Variants in LFNG observed in about 807,000 individuals in gnomAD.
LFNG encodes beta-1,3-N-acetylglucosaminyltransferase lunatic fringe.
LFNG carries 15 observed loss-of-function variants against 32.7 expected under a neutral mutation model. The observed-to-expected ratio is 0.46, with a 90% CI of 0.31 to 0.71. The LOEUF is 0.71. LFNG is among the 30% of genes least tolerant of loss of function. The pLI is 0.06. For missense variants in LFNG, 520 were observed against 545.7 expected, an observed-to-expected ratio of 0.95 and a Z score of 0.47; for synonymous variants, 274 against 246.8, an observed-to-expected ratio of 1.11 and a Z score of -1.03.
upstream of LFNG, among the ~76,000 whole-genome samples, chr7:2,517,442 G>T (rs548237028): frequency 3.3e-5 from 5 of 152,286 alleles, no homozygotes; most frequent in East Asian, 9.6e-4. Context: ...GCCAGGCTGG[G>T]CCATCCACCT....
chr7:2,514,202 T>C (rs1779555263), upstream of LFNG, among the ~76,000 whole-genome samples: 1 of 152,218 alleles, frequency 6.6e-6, no homozygotes, highest in African/African-American at 2.4e-5. Flanking sequence ...TGCCAGGTCT[T>C]CTCACCCTGA....
At chr7:2,513,096 C>T (rs556114625), upstream of LFNG, 4 of 1,569,170 alleles carry the variant, frequency 2.5e-6, no homozygotes, top group East Asian at 6.7e-5. Flanking sequence ...GCCCTGGGCA[C>T]CTTTGGGCTG....
rs201654623 is a variant in LFNG, at chr7:2,527,571, G to T, written c.*359G>T. 2.2e-5 allele frequency: 27 copies of T among 1,226,020 alleles called. No homozygotes were observed. Among genetic ancestry groups the T allele is most frequent in the Non-Finnish European group, 2.8e-5 (27 of 967,434 alleles). 75.9% of individuals were successfully genotyped at this position (1,226,020 alleles called of 1,614,324 possible). ...GCTCCGGGCTACTTTGCAGGGATGCGATGCGTAGGTGCCTTTCTCTTCCTG... is the reference window on the plus strand; with the variant it reads ...GCTCCGGGCTACTTTGCAGGGATGCTATGCGTAGGTGCCTTTCTCTTCCTG... On this transcript the variant is annotated 3_prime_UTR_variant, in exon 8 of 8. Coordinates refer to ENST00000222725, the MANE Select transcript of LFNG (RefSeq NM_001040167.2). The surrounding 1 kb of genome is among the most constrained non-coding windows in gnomAD (Gnocchi z 4.4).
intron 1 of LFNG, among the ~76,000 whole-genome samples, chr7:2,523,110 C>A (rs970279764): frequency 6.6e-6 from 1 of 152,234 alleles, no homozygotes; most frequent in African/African-American, 2.4e-5. Context: ...CACCAAATCT[C>A]GGGAGAACAG....
intron 1 of LFNG, among the ~76,000 whole-genome samples, chr7:2,523,042 C>A (rs1779837982): frequency 6.6e-6 from 1 of 152,246 alleles, no homozygotes; most frequent in Non-Finnish European, 1.5e-5. Flanking sequence ...TCCCTGCTCC[C>A]TGAGCTGAAC....
chr7:2,528,970 G>T (rs1214205079), downstream of LFNG: 6 of 494,730 alleles, frequency 1.2e-5, no homozygotes, highest in African/African-American at 6.1e-5. Flanking sequence ...GGCAGGCCGT[G>T]GGTCCGGCCG....
At chr7:2,524,913 A>G (rs1207673130) in intron 2 of LFNG, among the ~76,000 whole-genome samples, 170 bp downstream of exon 2, 1 of 152,160 alleles carries the variant, frequency 6.6e-6, no homozygotes, top group Non-Finnish European at 1.5e-5. Context: ...CGGGCCCCCC[A>G]ATTCTCATGC....
chr7:2,517,807 A>T, upstream of LFNG: 1 of 1,151,270 alleles, frequency 8.7e-7, no homozygotes, highest in Non-Finnish European at 1.1e-6. Flanking sequence ...GCTGGGACTA[A>T]GTCACGAGGT....
Position 2,525,098 on chromosome 7 carries a change from G to T in LFNG, c.482-121G>T, listed in dbSNP as rs114362656. On this transcript the variant is annotated intron_variant, in intron 2 of 7. Coordinates refer to ENST00000222725, the MANE Select transcript of LFNG (RefSeq NM_001040167.2). ...AGCTAGGGTGGGGGAGGCTACGGCC[G>T]CCGGGCCCAGCTTGAACTAGGGGGC... The T allele has an allele frequency of 2.8e-5, 25 of 898,204 alleles. No homozygotes were observed. The African/African-American group carries it at 3.5e-4, about 12-fold the overall frequency. The allele number at this position is 898,204 out of a possible 1,614,324, so 55.6% of individuals were successfully genotyped here. A position where few individuals can be genotyped will look rare whatever the true frequency, so the allele number is the denominator to read the frequency against.
upstream of LFNG, among the ~76,000 whole-genome samples, chr7:2,517,089 C>T (rs1196706764): frequency 6.6e-6 from 1 of 152,188 alleles, no homozygotes; most frequent in Non-Finnish European, 1.5e-5. Flanking sequence ...ACTTCCCTAC[C>T]AGGGCTGTGT....
In LFNG at chr7:2,528,252, A is replaced by G; in HGVS notation, c.*1040A>G. ...CCTGCCCTCCTCCTGTGTAGCTGCC[A>G]CCTCCCCGCTGGGCCCAGCATGGCT... On this transcript the variant is annotated 3_prime_UTR_variant, in exon 8 of 8. Coordinates refer to ENST00000222725, the MANE Select transcript of LFNG (RefSeq NM_001040167.2). The G allele has an allele frequency of 3.0e-6, 3 of 984,818 alleles. No individual in the cohort carries two copies. The highest frequency in any genetic ancestry group is 3.6e-6 in the Non-Finnish European group (3 of 829,760). The allele number at this position is 984,818 out of a possible 1,614,324, so 61.0% of individuals were successfully genotyped here.
chr7:2,516,528 C>G (rs1042237547), upstream of LFNG, among the ~76,000 whole-genome samples: 1 of 152,226 alleles, frequency 6.6e-6, no homozygotes, highest in Non-Finnish European at 1.5e-5. Flanking sequence ...GGAGAACCCC[C>G]GGGCTGAGCC....
chr7:2,523,379 A>C (rs1322854272), intron 1 of LFNG, among the ~76,000 whole-genome samples: 1 of 152,160 alleles, frequency 6.6e-6, no homozygotes. Flanking sequence ...GCATGTGCCC[A>C]GGGCTGGGTC....
upstream of LFNG, chr7:2,513,190 A>C (rs1317113651): frequency 1.2e-6 from 2 of 1,613,888 alleles, no homozygotes; most frequent in South Asian, 2.2e-5. Flanking sequence ...GCAAATGCTC[A>C]GGAAGGCTGT....
intron 1 of LFNG, among the ~76,000 whole-genome samples, chr7:2,521,482 C>T (rs748245308): frequency 3.9e-5 from 6 of 152,250 alleles, no homozygotes; most frequent in African/African-American, 1.2e-4. Flanking sequence ...TGTGCAGCTA[C>T]GCGCTCCGTG....
At chr7:2,515,777 G>T (rs912417638), upstream of LFNG, among the ~76,000 whole-genome samples, 2 of 152,242 alleles carry the variant, frequency 1.3e-5, no homozygotes, top group African/African-American at 2.4e-5. Context: ...AGTGGGCGAG[G>T]GGTCTGGGCA....
intron 2 of LFNG, 142 bp from the exon 3 acceptor site, chr7:2,525,077 A>C: frequency 1.3e-6 from 1 of 762,468 alleles, no homozygotes; most frequent in Non-Finnish European, 2.2e-6. Flanking sequence ...GCCCCGAGCT[A>C]GGGTGGGGGA....
exon 1 of LFNG, chr7:2,512,598 C>T (rs1779521191): frequency 6.4e-7 from 1 of 1,551,304 alleles, no homozygotes; most frequent in Non-Finnish European, 8.9e-7. Context: ...AAGGCGGCTC[C>T]TGGCCACCCT....
chr7:2,518,365 G>T (rs1022743101), upstream of LFNG, among the ~76,000 whole-genome samples: 11 of 152,196 alleles, frequency 7.2e-5, no homozygotes, highest in Non-Finnish European at 1.3e-4. Context: ...CCAGGAAGAG[G>T]CCTGGGAACC....
Sources: allele counts gnomAD v4.1 joint callset (sites outside exome capture counted in the v4.1 genomes callset), GRCh38; gene constraint gnomAD v4.1.1; non-coding constraint Gnocchi (gnomAD v3.1); transcripts MANE v1.5; gene names NCBI Gene and HGNC (gene_info 2026-07-23, HGNC 2026-07-21).